LMNB2: variants seen among roughly 807,000 people sequenced by gnomAD.
LMNB2 encodes the protein lamin B2.
Under a neutral mutation model 69.3 loss-of-function variants are expected in LMNB2, and 17 were observed. That is an observed-to-expected ratio of 0.25 (90% CI 0.17 to 0.37). The LOEUF is 0.37. LMNB2 is among the 10% of genes least tolerant of loss of function. LMNB2 has a pLI of 1.00. For synonymous variants in LMNB2, 397 were observed against 389.3 expected, an observed-to-expected ratio of 1.02 and a Z score of -0.23; for missense variants, 789 against 883.6, an observed-to-expected ratio of 0.89 and a Z score of 1.36.
Position 2,438,388 on chromosome 19 carries a change from G to A in LMNB2, c.545C>T (p.Ala182Val). The change falls in exon 3 of 12, where the codon GCC becomes GTC. Residue 182 changes from alanine to valine, a missense_variant. By Grantham distance (64) the Ala-to-Val change is moderately conservative. Around this residue, in one of 3 missense-constraint regions of LMNB2, gnomAD observed 609 missense variants for 630.9 expected, o/e 0.97. Transcript: ENST00000325327. ...GLESDVAELR[A>V]QLAKAEDGHA... is the part of the protein sequence containing the mutation. ...CCTGGCACCTACCTTGGCCAGCTGG[G>A]CCCGCAGCTCAGCCACGTCACTCTC... is the stretch of plus-strand genomic sequence containing the variant. 1.2e-6 allele frequency: 2 copies of A among 1,612,946 alleles called. No homozygotes were observed. Among genetic ancestry groups the A allele is most frequent in the South Asian group, 2.2e-5 (2 of 91,088 alleles).
At chr19:2,449,611 C>A (rs1971996986) in intron 1 of LMNB2, among the ~76,000 whole-genome samples, 1 of 152,022 alleles carries the variant, frequency 6.6e-6, no homozygotes, top group African/African-American at 2.4e-5. Context: ...GAAACCCTGT[C>A]TCTATTAAAA....
chr19:2,440,717 T>TACCCATCCATCCATCCATCC (rs1971890041), intron 2 of LMNB2, among the ~76,000 whole-genome samples: 1 of 151,288 alleles, frequency 6.6e-6, no homozygotes, highest in South Asian at 2.1e-4. Context: ...TTCATCCATC[T>TACCCATCCATCCATCCATCC]ACTCATCCAT....
intron 4 of LMNB2, among the ~76,000 whole-genome samples, chr19:2,435,947 G>C (rs1293630115): frequency 6.6e-6 from 1 of 151,670 alleles, no homozygotes; most frequent in Non-Finnish European, 1.5e-5. Flanking sequence ...TCAGGAGTTC[G>C]AGACCAGCCT....
intron 2 of LMNB2, among the ~76,000 whole-genome samples, chr19:2,439,556 CTGGGGACAGAATCACCCCAGGA>C (rs1329494222): frequency 6.6e-6 from 1 of 152,126 alleles, no homozygotes; most frequent in Non-Finnish European, 1.5e-5. Context: ...CCAGTGTCCC[CTGGGGACAGAATCACCCCAGGA>C]TGGGGACAAC....
rs762699344 is a variant in LMNB2 at position 2,438,432 on chromosome 19, G to A, written c.501C>T (p.Leu167=). 4 of 1,612,608 alleles carry A rather than the reference G, an allele frequency of 2.5e-6. No individual in the cohort carries two copies. The highest frequency in any genetic ancestry group is 2.5e-6 in the Non-Finnish European group (3 of 1,179,890). Residue 167 remains leucine (L), a synonymous_variant, in exon 3 of 12, where the codon CTC becomes CTT. Transcript: ENST00000325327. ...CACTCTCCAGGCCGCGCTTGTCGCT[G>A]AGGGCAGCTGCCAGCTCCACCTCGC... The part of the protein sequence containing the change: ...HRSEVELAAA[L]SDKRGLESDV...
In LMNB2 at chr19:2,438,356, C is replaced by T. The variant is rs750280525; in HGVS notation, c.558+19G>A. 1.1e-5 allele frequency: 17 copies of T among 1,613,222 alleles called. No homozygotes were observed. Among genetic ancestry groups the T allele is most frequent in the South Asian group, 2.2e-5 (2 of 91,082 alleles). On this transcript the variant is annotated intron_variant, in intron 3 of 11. Transcript: ENST00000325327. ...TTGCATATACCCTGCTGGGGCGTCC[C>T]GTGGCTCCTGGCACCTACCTTGGCC...
chr19:2,444,235 C>T (rs1971928779), intron 2 of LMNB2, among the ~76,000 whole-genome samples, 169 bp downstream of exon 2: 1 of 152,188 alleles, frequency 6.6e-6, no homozygotes, highest in South Asian at 2.1e-4. Flanking sequence ...TTCCTCAGAA[C>T]AGAAAAAGTG....
chr19:2,438,504 C>G lies in LMNB2; in HGVS notation c.429G>C (p.Thr143=), dbSNP rs372873077. 33 of 1,609,728 alleles carry G rather than the reference C, an allele frequency of 2.1e-5. No homozygotes were observed. In the Admixed American group the frequency reaches 2.5e-4, roughly 12 times the overall value. ...KSAKKREGEL[T]VAQGRVKDLE... is the part of the protein sequence containing the mutation. ...GGTCCTTCACACGGCCCTGGGCCAC[C>G]GTAAGCTCGCCCTCCCTCTTCTTGG... The change falls in exon 3 of 12, where the codon ACG becomes ACC. Residue 143 remains threonine (T), a synonymous_variant. Transcript: ENST00000325327.
chr19:2,449,405 T>C (rs897727430), intron 1 of LMNB2, among the ~76,000 whole-genome samples: 12 of 152,142 alleles, frequency 7.9e-5, no homozygotes, highest in Admixed American at 7.9e-4. Context: ...TTCCACAAGG[T>C]ATCCCTGTCA....
intron 3 of LMNB2, 21 bp downstream of exon 3, chr19:2,438,353 TC>T (rs769548718): frequency 6.2e-7 from 1 of 1,613,202 alleles, no homozygotes; most frequent in South Asian, 1.1e-5. Flanking sequence ...TGCTGGGGCG[TC>T]CCGTGGCTCC....
At chr19:2,431,167 C>T (rs770855496) in intron 11 of LMNB2, among the ~76,000 whole-genome samples, 12 of 152,222 alleles carry the variant, frequency 7.9e-5, no homozygotes, top group African/African-American at 1.7e-4. Context: ...GAACTTGCGA[C>T]GCACGCGTTT....
At position 2,430,797 on chromosome 19, in the gene LMNB2, C is replaced by T; in HGVS notation, c.*114G>A. 1 of 827,064 alleles carries T rather than the reference C, an allele frequency of 1.2e-6. No homozygotes were observed. Among genetic ancestry groups the T allele is most frequent in the Non-Finnish European group, 2.1e-6 (1 of 470,312 alleles). 51.2% of individuals were successfully genotyped at this position (827,064 alleles called of 1,614,324 possible). A position where few individuals can be genotyped will look rare whatever the true frequency, so the allele number is the denominator to read the frequency against. The stretch of plus-strand genomic sequence containing the variant: ...GGGGAGACCCACCCACACGTTCTGG[C>T]AGTTCGCTTAGAAATTCTCTAGAAA... On this transcript the variant is annotated 3_prime_UTR_variant, in exon 12 of 12. Coordinates refer to ENST00000325327, the MANE Select transcript of LMNB2 (RefSeq NM_032737.4).
rs2288942 is a variant in LMNB2 at position 2,444,610 on chromosome 19, G to A, written c.265-70C>T. The A allele has an allele frequency of 0.057, 90,119 of 1,582,706 alleles. 4,767 individuals carry two copies. The highest frequency in any genetic ancestry group is 0.32 in the East Asian group (14,328 of 44,784). ...TTGGACTACAGCAGTCAGGGGGCCC[G>A]GCCACTGGCCCTGCTCAGATTCCCA... On this transcript the variant is annotated intron_variant, in intron 1 of 11. Coordinates refer to ENST00000325327, the MANE Select transcript of LMNB2 (RefSeq NM_032737.4).
At chr19:2,432,376 C>G (rs377657338) in intron 9 of LMNB2, 40 bp downstream of exon 9, 59 of 1,509,930 alleles carry the variant, frequency 3.9e-5, no homozygotes, top group Non-Finnish European at 5.3e-5. Flanking sequence ...ACCTCACACC[C>G]CATCCGTGGC....
chr19:2,430,393 CG>C lies in LMNB2; in HGVS notation c.*517del. The stretch of plus-strand genomic sequence containing the variant: ...CGCCATCCCCATGCTGGCCCACACC[CG>C]CTGCGTGGCTGCCTGAGGAGTTCCC... On this transcript the variant is annotated 3_prime_UTR_variant, in exon 12 of 12. Transcript: ENST00000325327. The C allele has an allele frequency of 5.1e-6, 1 of 197,858 alleles. No homozygotes were observed. Among genetic ancestry groups the C allele is most frequent in the South Asian group, 8.6e-5 (1 of 11,684 alleles). 12.3% of individuals were successfully genotyped at this position (197,858 alleles called of 1,614,324 possible).
At chr19:2,446,844 G>C (rs1396407025) in intron 1 of LMNB2, among the ~76,000 whole-genome samples, 1 of 152,164 alleles carries the variant, frequency 6.6e-6, no homozygotes, top group Non-Finnish European at 1.5e-5. Flanking sequence ...ATGCATGTTT[G>C]AAAACTACAC....
At chr19:2,444,060 T>A (rs956226761) in intron 2 of LMNB2, among the ~76,000 whole-genome samples, 1 of 152,128 alleles carries the variant, frequency 6.6e-6, no homozygotes, top group African/African-American at 2.4e-5. Context: ...CGGTGTCCAC[T>A]GGGTGCCGCC....
intron 2 of LMNB2, among the ~76,000 whole-genome samples, chr19:2,439,449 T>C (rs1468132803): frequency 6.6e-6 from 1 of 152,136 alleles, no homozygotes; most frequent in Admixed American, 6.5e-5. Flanking sequence ...TCCTAGGCAC[T>C]GCAGGGTGCT....
At chr19:2,444,597 A>G in intron 1 of LMNB2, 57 bp from the exon 2 acceptor site, 1 of 1,595,582 alleles carries the variant, frequency 6.3e-7, no homozygotes, top group Non-Finnish European at 8.5e-7. Context: ...GGACTACAGC[A>G]GTCAGGGGGC....
Sources: gnomAD v4.1 joint callset for allele counts (sites outside exome capture counted in the v4.1 genomes callset) on GRCh38, gnomAD v4.1.1 for gene constraint, gnomAD v4.1.1 regional missense constraint, MANE v1.5 for transcripts, NCBI Gene and HGNC (gene_info 2026-07-23, HGNC 2026-07-21) for gene names.